Variants in MALRD1 observed in about 807,000 individuals in gnomAD.
MALRD1 encodes the protein MAM and LDL receptor class A domain containing 1.
MALRD1 carries 247 observed loss-of-function variants against 242.1 expected under a neutral mutation model. The observed-to-expected ratio is 1.02, with a 90% CI of 0.92 to 1.13. The LOEUF (loss-of-function observed/expected upper bound fraction) is 1.13, where lower values mean the gene tolerates loss of function less well. Among genes scored for constraint, MALRD1 ranks in the 50% most tolerant of loss-of-function variants. The probability of loss-of-function intolerance (pLI) is 0.00; values close to 1 mark genes in which losing one functional copy is unlikely to be tolerated. For synonymous variants in MALRD1, 995 were observed against 866.6 expected (o/e 1.15, Z -2.60); for missense variants, 2,989 against 2,533.1 (o/e 1.18, Z -3.86).
At chr10:19,235,344 G>A (rs1838263225) in intron 18 of MALRD1, among the ~76,000 whole-genome samples, 1 of 151,234 alleles carries the variant, frequency 6.6e-6, no homozygotes, top group Non-Finnish European at 1.5e-5. Flanking sequence ...ATTGTGTTTT[G>A]ATTTGCATTT....
chr10:19,344,429 G>A (rs953329268), intron 24 of MALRD1, among the ~76,000 whole-genome samples: 9 of 151,844 alleles, frequency 5.9e-5, no homozygotes, highest in African/African-American at 1.9e-4. Context: ...TTATTTAATT[G>A]TTTTTGTACC....
At chr10:19,232,370 G>A (rs757257423) in intron 18 of MALRD1, among the ~76,000 whole-genome samples, 5 of 150,364 alleles carry the variant, frequency 3.3e-5, no homozygotes, top group Non-Finnish European at 7.4e-5. Flanking sequence ...TAGAGATGGG[G>A]TTTCAGCATG....
chr10:19,700,258 G>T (rs1306855857), intron 38 of MALRD1, among the ~76,000 whole-genome samples: 1 of 152,140 alleles, frequency 6.6e-6, no homozygotes, highest in Non-Finnish European at 1.5e-5. Context: ...TGACAAAAGA[G>T]AGGGGCATGC....
At chr10:19,150,254 T>C (rs1427395283) in intron 11 of MALRD1, among the ~76,000 whole-genome samples, 2 of 152,174 alleles carry the variant, frequency 1.3e-5, no homozygotes, top group Non-Finnish European at 2.9e-5. Context: ...TGCACTCTGG[T>C]TGGTGATAGA....
At chr10:19,195,083 G>A (rs967859505) in intron 14 of MALRD1, among the ~76,000 whole-genome samples, 12 of 152,118 alleles carry the variant, frequency 7.9e-5, no homozygotes, top group Admixed American at 3.3e-4. Flanking sequence ...GTATTCAGGC[G>A]GTCTGTGACC....
At chr10:19,166,868 T>A (rs1303290070) in intron 13 of MALRD1, among the ~76,000 whole-genome samples, 6 of 152,174 alleles carry the variant, frequency 3.9e-5, no homozygotes, top group Non-Finnish European at 5.9e-5. Flanking sequence ...AGCACACTGT[T>A]TTGGAGTCAG....
At chr10:19,198,581 C>T (rs190405573) in intron 14 of MALRD1, among the ~76,000 whole-genome samples, 3 of 152,184 alleles carry the variant, frequency 2.0e-5, no homozygotes, top group Non-Finnish European at 2.9e-5. Flanking sequence ...AAAGGATAGC[C>T]TGGAACAAAG....
intron 36 of MALRD1, among the ~76,000 whole-genome samples, chr10:19,618,296 G>A (rs1013552599): frequency 7.2e-5 from 11 of 152,024 alleles, no homozygotes; most frequent in African/African-American, 2.4e-4. Flanking sequence ...GTGAACATAC[G>A]TATGGAGGTG....
At chr10:19,481,146 G>C (rs1303526089) in intron 29 of MALRD1, among the ~76,000 whole-genome samples, 3 of 152,096 alleles carry the variant, frequency 2.0e-5, no homozygotes, top group Admixed American at 2.0e-4. Context: ...TTGCCTCTGT[G>C]TATTGCCAGT....
intron 5 of MALRD1, 138 bp from the exon 6 acceptor site, chr10:19,123,354 A>G (rs1027828321): frequency 7.6e-6 from 3 of 395,726 alleles, no homozygotes; most frequent in Non-Finnish European, 1.3e-5. Flanking sequence ...AGATAGGGTT[A>G]CCTAAAGGGT....
intron 34 of MALRD1, chr10:19,598,340 C>A (rs529677622): frequency 6.6e-6 from 1 of 152,212 alleles, no homozygotes; most frequent in East Asian, 1.9e-4. Context: ...GGAAGAGGCA[C>A]AGCCTTCTCT....
At chr10:19,605,756 C>T (rs937910397) in intron 34 of MALRD1, among the ~76,000 whole-genome samples, 5 of 152,012 alleles carry the variant, frequency 3.3e-5, no homozygotes, top group African/African-American at 1.2e-4. Flanking sequence ...AATGCTTTGC[C>T]TACTAAGTTT....
chr10:19,640,070 G>A (rs1840314539), intron 36 of MALRD1, among the ~76,000 whole-genome samples: 1 of 152,012 alleles, frequency 6.6e-6, no homozygotes, highest in Non-Finnish European at 1.5e-5. Flanking sequence ...GGGAAGGGAT[G>A]CTTCATTGTC....
intron 31 of MALRD1, 142 bp from the exon 32 acceptor site, chr10:19,531,052 T>C (rs1834390390): frequency 1.5e-6 from 1 of 656,746 alleles, no homozygotes; most frequent in Non-Finnish European, 2.4e-6. Context: ...GTTATTGATA[T>C]ATGACTCCCA....
chr10:19,626,691 A>C (rs995603353), intron 36 of MALRD1, among the ~76,000 whole-genome samples: 1 of 152,042 alleles, frequency 6.6e-6, no homozygotes, highest in Non-Finnish European at 1.5e-5. Flanking sequence ...TGAAAAGCAC[A>C]AATGAAGGAC....
At chr10:19,702,527 T>C (rs1406361516) in intron 38 of MALRD1, among the ~76,000 whole-genome samples, 1 of 152,190 alleles carries the variant, frequency 6.6e-6, no homozygotes, top group Non-Finnish European at 1.5e-5. Context: ...GTATCTGGGA[T>C]TGTATGCATA....
intron 14 of MALRD1, among the ~76,000 whole-genome samples, chr10:19,177,880 A>C (rs1331086656): frequency 2.6e-5 from 4 of 152,142 alleles, no homozygotes; most frequent in African/African-American, 9.7e-5. Context: ...GGACCCCTCT[A>C]GAATGAGGAT....
At chr10:19,689,316 G>A (rs1411348827) in intron 36 of MALRD1, among the ~76,000 whole-genome samples, 2 of 152,024 alleles carry the variant, frequency 1.3e-5, no homozygotes, top group Non-Finnish European at 2.9e-5. Flanking sequence ...TAGTTACCTC[G>A]GGAGGATAGA....
intron 34 of MALRD1, among the ~76,000 whole-genome samples, chr10:19,601,435 A>G (rs1838337126): frequency 6.6e-6 from 1 of 151,988 alleles, no homozygotes; most frequent in Non-Finnish European, 1.5e-5. Flanking sequence ...TAAATATTAG[A>G]TGCATTCATA....
Sources: gnomAD v4.1 joint callset for allele counts (sites outside exome capture counted in the v4.1 genomes callset) on GRCh38, gnomAD v4.1.1 for gene constraint, MANE v1.5 for transcripts, NCBI Gene and HGNC (gene_info 2026-07-23, HGNC 2026-07-21) for gene names.